The following PFDN4 variants were observed in gnomAD, a reference collection of about 807,000 sequenced individuals.
PFDN4 encodes the protein prefoldin 4.
Under a neutral mutation model 17.6 loss-of-function variants are expected in PFDN4, and 6 were observed. The observed-to-expected ratio is 0.34, with a 90% CI of 0.19 to 0.67. PFDN4 has a LOEUF of 0.67. Ranked by LOEUF, PFDN4 falls within the 30% of genes least tolerant of loss-of-function variation. The pLI is 0.68. For synonymous variants in PFDN4, 48 were observed against 51.1 expected, an observed-to-expected ratio of 0.94 and a Z score of 0.26; for missense variants, 119 against 158.4, an observed-to-expected ratio of 0.75 and a Z score of 1.33.
intron 3 of PFDN4, among the ~76,000 whole-genome samples, chr20:54,217,434 G>T (rs2092764095): frequency 6.6e-6 from 1 of 152,190 alleles, no homozygotes. Flanking sequence ...ACTCCAGTCA[G>T]TTGAGTTGAA....
chr20:54,215,238 T>G, intron 2 of PFDN4, 62 bp from the exon 3 acceptor site: 1 of 1,253,248 alleles, frequency 8.0e-7, no homozygotes, highest in African/African-American at 1.5e-5. Flanking sequence ...CAAATTACAA[T>G]TGGCCTTTAG....
intron 1 of PFDN4, among the ~76,000 whole-genome samples, chr20:54,212,117 C>T (rs185957502): frequency 0.013 from 1,914 of 151,568 alleles, 49 homozygotes; most frequent in African/African-American, 0.044. Context: ...GGCTTGAACC[C>T]GGGAAGTGGA....
Position 54,215,339 on chromosome 20 carries a change from A to G in PFDN4, c.172A>G (p.Met58Val). The G allele has an allele frequency of 6.2e-7, 1 of 1,601,120 alleles. No individual in the cohort carries two copies. The highest frequency in any genetic ancestry group is 1.3e-5 in the African/African-American group (1 of 74,876). Residue 58 changes from methionine to valine, a missense_variant, in exon 3 of 4, where the codon ATG becomes GTG. By Grantham distance (21) the Met-to-Val change is conservative. This residue lies in a region of PFDN4 where 81 missense variants were observed against 111.7 expected (regional missense o/e 0.73). Transcript: ENST00000371419. ...CCTAGAAGATGCTTGTGATGACATC[A>G]TGCTTGCAGATGATGATTGCTTAAT... ...QNLEDACDDI[M>V]LADDDCLMIP... is the part of the protein sequence containing the mutation.
In PFDN4 at chr20:54,215,297, T is replaced by C; in HGVS notation, c.133-3T>C. The stretch of plus-strand genomic sequence containing the variant: ...CATTTTCTTTGCCATTTTGCATTTA[T>C]AGAAACAACTCCAAAACCTAGAAGA... On this transcript the variant is annotated splice_polypyrimidine_tract_variant and splice_region_variant and intron_variant, in intron 2 of 3. Transcript: ENST00000371419. The C allele has an allele frequency of 1.3e-6, 2 of 1,563,842 alleles. No individual in the cohort carries two copies. The highest frequency in any genetic ancestry group is 1.4e-5 in the African/African-American group (1 of 73,670).
At chr20:54,215,016 T>C (rs2146541751) in intron 2 of PFDN4, among the ~76,000 whole-genome samples, 1 of 152,344 alleles carries the variant, frequency 6.6e-6, no homozygotes, top group South Asian at 2.1e-4. Context: ...GAAGGCAGAA[T>C]TCACAAAGTC....
chr20:54,208,368 C>T (rs556454811), intron 1 of PFDN4: 4 of 431,194 alleles, frequency 9.3e-6, no homozygotes, highest in Admixed American at 4.5e-5. Flanking sequence ...TCGAAGGACG[C>T]AGGTCCGCCT....
intron 3 of PFDN4, among the ~76,000 whole-genome samples, chr20:54,218,600 GTT>G (rs1353408321): frequency 6.6e-6 from 1 of 152,122 alleles, no homozygotes; most frequent in East Asian, 1.9e-4. Flanking sequence ...ATCATAAGTT[GTT>G]CTTCTTAATT....
chr20:54,214,253 G>A (rs2092759685), intron 1 of PFDN4, 98 bp from the exon 2 acceptor site: 1 of 668,138 alleles, frequency 1.5e-6, no homozygotes, highest in Admixed American at 2.8e-5. Context: ...TTGACTATAT[G>A]AGTGCAAATG....
At chr20:54,211,876 C>T (rs745710380) in intron 1 of PFDN4, among the ~76,000 whole-genome samples, 9 of 152,064 alleles carry the variant, frequency 5.9e-5, no homozygotes, top group Non-Finnish European at 1.3e-4. Context: ...GTCCATTGAC[C>T]ACCCCCACCC....
Position 54,219,062 on chromosome 20 carries a change from A to G in PFDN4, c.317A>G (p.Glu106Gly). ...EEIDALESRV[E>G]SIQRVLADLK... ...ATTGACGCCTTAGAATCCAGAGTGG[A>G]ATCAATTCAGCGAGTGTTAGCAGAT... Residue 106 changes from glutamate (E) to glycine (G), a missense_variant, in exon 4 of 4, where the codon GAA (glutamate) becomes GGA (glycine). By Grantham distance (98) the Glu-to-Gly change is moderately conservative (BLOSUM62 -2). Around this residue, in one of 3 missense-constraint regions of PFDN4, gnomAD observed 81 missense variants for 111.7 expected, o/e 0.73. Coordinates refer to ENST00000371419, the MANE Select transcript of PFDN4 (RefSeq NM_002623.4). The G allele has an allele frequency of 1.3e-6, 2 of 1,585,766 alleles. No individual in the cohort carries two copies. The highest frequency in any genetic ancestry group is 3.5e-5 in the Admixed American group (2 of 57,270).
At chr20:54,218,293 ATAGG>A (rs991500356) in intron 3 of PFDN4, among the ~76,000 whole-genome samples, 1 of 151,528 alleles carries the variant, frequency 6.6e-6, no homozygotes, top group African/African-American at 2.4e-5. Context: ...GTATCTATAG[ATAGG>A]TAGGTAGAAA....
chr20:54,215,493 G>A, intron 3 of PFDN4, 53 bp downstream of exon 3: 1 of 1,174,860 alleles, frequency 8.5e-7, no homozygotes, highest in Non-Finnish European at 1.2e-6. Flanking sequence ...TAAAGAACAT[G>A]TAATTATAGA....
intron 1 of PFDN4, 38 bp from the exon 2 acceptor site, chr20:54,214,310 TCTC>T (rs779184436): frequency 9.5e-7 from 1 of 1,053,224 alleles, no homozygotes; most frequent in Non-Finnish European, 1.4e-6. Flanking sequence ...ACTGATAACT[TCTC>T]CGTTAAAATT....
Position 54,219,032 on chromosome 20 carries a change from A to T in PFDN4, c.287A>T (p.Glu96Val), listed in dbSNP as rs1206544166. The change falls in exon 4 of 4, where the codon GAA becomes GTA. Residue 96 changes from glutamate (E) to valine (V), a missense_variant. This residue lies in a region of PFDN4 where 81 missense variants were observed against 111.7 expected (regional missense o/e 0.73). Coordinates refer to ENST00000371419, the MANE Select transcript of PFDN4 (RefSeq NM_002623.4). ...TTTTTTTTCCAGAAAAATTTGCAAGAAGAAATTGACGCCTTAGAATCCAGA... is the reference window on the plus strand; with the variant it reads ...TTTTTTTTCCAGAAAAATTTGCAAGTAGAAATTGACGCCTTAGAATCCAGA... ...MLEEAKKNLQEEIDALESRVE... is the reference protein window; with the variant it reads ...MLEEAKKNLQVEIDALESRVE... The T allele has an allele frequency of 6.5e-7, 1 of 1,542,120 alleles. No homozygotes were observed. Among genetic ancestry groups the T allele is most frequent in the Non-Finnish European group, 8.8e-7 (1 of 1,141,444 alleles).
rs11468663 is a variant in PFDN4, at chr20:54,212,195, CAA to C, written c.25-2142_25-2141del. Among the ~76,000 whole-genome samples the C allele has an allele frequency of 8.8e-4, 115 of 131,428 alleles. 1 individual carries two copies. The highest frequency in any genetic ancestry group is 1.6e-3 in the African/African-American group (60 of 37,366). 86.2% of individuals were successfully genotyped at this position (131,428 alleles called of 152,430 possible). ...GCGACAGAGTGAGACTCTGTCTCAC[CAA>C]AAAAAAAAAAAAATTACCCACTTCT... On this transcript the variant is annotated intron_variant, in intron 1 of 3. Coordinates refer to ENST00000371419, the MANE Select transcript of PFDN4 (RefSeq NM_002623.4).
At chr20:54,213,945 GA>G (rs59181125) in intron 1 of PFDN4, among the ~76,000 whole-genome samples, 4 of 147,230 alleles carry the variant, frequency 2.7e-5, no homozygotes, top group South Asian at 2.2e-4. Context: ...TTAGCTCTAA[GA>G]AAAAAAAAAC....
chr20:54,208,334 G>T (rs1267449732), intron 1 of PFDN4: 3 of 451,304 alleles, frequency 6.6e-6, no homozygotes, highest in Non-Finnish European at 1.1e-5. Context: ...CCGAGGCGGG[G>T]CGCCGGGGCT....
Position 54,219,043 on chromosome 20 carries a change from G to A in PFDN4, c.298G>A (p.Ala100Thr), listed in dbSNP as rs368220174. The change falls in exon 4 of 4, where the codon GCC becomes ACC. Residue 100 changes from alanine to threonine, a missense_variant. By Grantham distance (58) the Ala-to-Thr change is moderately conservative (BLOSUM62 0). This residue lies in a region of PFDN4 where 81 missense variants were observed against 111.7 expected (regional missense o/e 0.73). Coordinates refer to ENST00000371419, the MANE Select transcript of PFDN4 (RefSeq NM_002623.4). ...GAAAAATTTGCAAGAAGAAATTGAC[G>A]CCTTAGAATCCAGAGTGGAATCAAT... ...AKKNLQEEID[A>T]LESRVESIQR... 1.0e-4 allele frequency: 157 copies of A among 1,552,832 alleles called. No individual in the cohort carries two copies. The highest frequency in any genetic ancestry group is 8.6e-4 in the Admixed American group (44 of 50,950).
Position 54,219,750 on chromosome 20 carries a change from A to G in PFDN4, c.*600A>G, listed in dbSNP as rs2092767339. The G allele has an allele frequency of 1.8e-5, 7 of 398,274 alleles. No individual in the cohort carries two copies. In the Admixed American group the frequency reaches 3.1e-4, roughly 18 times the overall value. 24.7% of individuals were successfully genotyped at this position (398,274 alleles called of 1,614,324 possible). ...GTGGAGGCATGTGGAGCTTTATACA[A>G]ACAGGGCAGAACCACAGAAGAACGT... On this transcript the variant is annotated 3_prime_UTR_variant, in exon 4 of 4. Transcript: ENST00000371419.
Sources: allele counts gnomAD v4.1 joint callset (sites outside exome capture counted in the v4.1 genomes callset), GRCh38; gene constraint gnomAD v4.1.1; regional missense constraint gnomAD v4.1.1; transcripts MANE v1.5; gene names NCBI Gene and HGNC (gene_info 2026-07-23, HGNC 2026-07-21).